SCHIP1: variants seen among roughly 807,000 people sequenced by gnomAD.
SCHIP1 encodes the protein schwannomin-interacting protein 1.
Under a neutral mutation model 29.7 loss-of-function variants are expected in SCHIP1, and 8 were observed. That is an observed-to-expected ratio of 0.27 (90% CI 0.16 to 0.49). The LOEUF is 0.49. Among genes scored for constraint, SCHIP1 ranks in the 20% least tolerant of loss-of-function variants. SCHIP1 has a pLI of 0.99. For missense variants in SCHIP1, 193 were observed against 294.6 expected, an observed-to-expected ratio of 0.66 and a Z score of 2.52; for synonymous variants, 76 against 94.9, an observed-to-expected ratio of 0.80 and a Z score of 1.16.
At chr3:159,712,593 G>C in the SCHIP1 span, among the ~76,000 whole-genome samples, 1 of 152,026 alleles carries the variant, frequency 6.6e-6, no homozygotes, top group Non-Finnish European at 1.5e-5. Flanking sequence ...TGGCACATCT[G>C]TGGTCCCAGC....
the SCHIP1 span, among the ~76,000 whole-genome samples, chr3:159,689,671 G>A: frequency 2.0e-5 from 3 of 152,178 alleles, no homozygotes; most frequent in Non-Finnish European, 4.4e-5. Context: ...TCCTTGTCGT[G>A]TGCCAGTTTT....
At chr3:159,484,163 GA>G in the SCHIP1 span, among the ~76,000 whole-genome samples, 1 of 152,152 alleles carries the variant, frequency 6.6e-6, no homozygotes, top group Non-Finnish European at 1.5e-5. Flanking sequence ...CCAATTAGTT[GA>G]AAATTATGAA....
chr3:159,286,732 C>A, the SCHIP1 span, among the ~76,000 whole-genome samples: 1 of 152,020 alleles, frequency 6.6e-6, no homozygotes, highest in Non-Finnish European at 1.5e-5. Flanking sequence ...CTTACCAGCA[C>A]CTGTTATTTT....
the SCHIP1 span, among the ~76,000 whole-genome samples, chr3:159,588,755 G>C: frequency 3.8e-3 from 580 of 152,282 alleles, 4 homozygotes; most frequent in African/African-American, 0.014. Context: ...TGTCAGGTTT[G>C]TCAAAGATCA....
At chr3:159,514,187 C>A in the SCHIP1 span, among the ~76,000 whole-genome samples, 3 of 152,110 alleles carry the variant, frequency 2.0e-5, no homozygotes, top group Admixed American at 2.0e-4. Context: ...AAACCACCAC[C>A]GTCATGGAAA....
the SCHIP1 span, among the ~76,000 whole-genome samples, chr3:159,704,993 C>G: frequency 2.0e-5 from 3 of 150,486 alleles, no homozygotes; most frequent in East Asian, 3.9e-4. Context: ...GAGGGAGTCT[C>G]CCTCTTGTTG....
the SCHIP1 span, among the ~76,000 whole-genome samples, chr3:159,713,455 T>C: frequency 6.6e-6 from 1 of 152,214 alleles, no homozygotes; most frequent in East Asian, 1.9e-4. Context: ...GTGTGCTATA[T>C]TCAAAGCACT....
the SCHIP1 span, among the ~76,000 whole-genome samples, chr3:159,694,543 AG>A: frequency 5.4e-5 from 1 of 18,400 alleles, no homozygotes; most frequent in Admixed American, 7.3e-4. Flanking sequence ...AAGACAAGAA[AG>A]AAAGAAAGAA....
At chr3:159,822,355 T>C in the SCHIP1 span, among the ~76,000 whole-genome samples, 2 of 151,834 alleles carry the variant, frequency 1.3e-5, no homozygotes, top group South Asian at 4.2e-4. Context: ...GTGGACAGTA[T>C]ATGGGGTATA....
the SCHIP1 span, among the ~76,000 whole-genome samples, chr3:159,473,713 A>T: frequency 6.6e-6 from 1 of 151,122 alleles, no homozygotes; most frequent in African/African-American, 2.4e-5. Flanking sequence ...AAGAAAAAGT[A>T]AAAGAAAACA....
chr3:159,341,167 G>C, the SCHIP1 span, among the ~76,000 whole-genome samples: 1 of 151,216 alleles, frequency 6.6e-6, no homozygotes, highest in Non-Finnish European at 1.5e-5. Flanking sequence ...CTTGCTTTCT[G>C]CACTTGGGGA....
At chr3:159,614,250 T>C in the SCHIP1 span, among the ~76,000 whole-genome samples, 1 of 152,222 alleles carries the variant, frequency 6.6e-6, no homozygotes, top group Non-Finnish European at 1.5e-5. Context: ...CAGCAACCAA[T>C]TGAGAGCTTT....
chr3:159,612,272 T>C, the SCHIP1 span, among the ~76,000 whole-genome samples: 1 of 152,048 alleles, frequency 6.6e-6, no homozygotes, highest in Non-Finnish European at 1.5e-5. Context: ...AAAGAATTGA[T>C]CCTGGTGAAA....
chr3:159,787,801 G>GACTGGCTACTT, the SCHIP1 span, among the ~76,000 whole-genome samples: 63 of 152,288 alleles, frequency 4.1e-4, no homozygotes, highest in African/African-American at 1.4e-3. Flanking sequence ...CTGAGTTGAA[G>GACTGGCTACTT]AAGCATTAGT....
chr3:159,694,217 G>A, the SCHIP1 span, among the ~76,000 whole-genome samples: 1 of 148,306 alleles, frequency 6.7e-6, no homozygotes, highest in Admixed American at 6.7e-5. Context: ...CAGGTGCGGT[G>A]GCTCATGCCT....
the SCHIP1 span, among the ~76,000 whole-genome samples, chr3:159,807,382 C>G: frequency 6.6e-6 from 1 of 152,200 alleles, no homozygotes; most frequent in Non-Finnish European, 1.5e-5. Flanking sequence ...GCCAACTCAC[C>G]TGCACACCTG....
At chr3:159,827,811 CA>C in the SCHIP1 span, among the ~76,000 whole-genome samples, 234 of 75,462 alleles carry the variant, frequency 3.1e-3, no homozygotes, top group East Asian at 0.01. Flanking sequence ...GACTCCGTCT[CA>C]AAAAAAAAAA....
At chr3:159,792,016 C>T in the SCHIP1 span, among the ~76,000 whole-genome samples, 11 of 151,730 alleles carry the variant, frequency 7.2e-5, no homozygotes, top group African/African-American at 2.7e-4. Flanking sequence ...ACGTGTGTGC[C>T]CATAATAATT....
chr3:159,684,911 T>C, the SCHIP1 span, among the ~76,000 whole-genome samples: 1 of 152,184 alleles, frequency 6.6e-6, no homozygotes, highest in South Asian at 2.1e-4. Flanking sequence ...CTTCAAAATG[T>C]TCCTCGAAAT....
Sources: allele counts gnomAD v4.1 joint callset (sites outside exome capture counted in the v4.1 genomes callset), GRCh38; gene constraint gnomAD v4.1.1; transcripts MANE v1.5; gene names NCBI Gene and HGNC (gene_info 2026-07-23, HGNC 2026-07-21).